The following MTCL3 variants were observed in gnomAD, a reference collection of about 807,000 sequenced individuals.
The protein encoded by MTCL3 is microtubule cross-linking factor 3.
At chr6:127,481,739 G>A in the MTCL3 span, among the ~76,000 whole-genome samples, 1 of 152,134 alleles carries the variant, frequency 6.6e-6, no homozygotes, top group Admixed American at 6.5e-5. Context: ...TAATGTCAGA[G>A]GCGTGTGACC....
At chr6:127,473,730 AC>A in the MTCL3 span, among the ~76,000 whole-genome samples, 1 of 152,180 alleles carries the variant, frequency 6.6e-6, no homozygotes, top group Non-Finnish European at 1.5e-5. Context: ...TTAATCTAAA[AC>A]CATGCTTCTG....
At chr6:127,481,596 T>C in the MTCL3 span, 1 of 462,792 alleles carries the variant, frequency 2.2e-6, no homozygotes. Flanking sequence ...TTTGAATATT[T>C]AAAATCACTT....
chr6:127,498,615 GA>G, the MTCL3 span, among the ~76,000 whole-genome samples: 1 of 152,006 alleles, frequency 6.6e-6, no homozygotes, highest in African/African-American at 2.4e-5. Context: ...ATATCCACAC[GA>G]AAATTTGCAT....
the MTCL3 span, among the ~76,000 whole-genome samples, chr6:127,483,262 T>A: frequency 6.6e-6 from 1 of 152,148 alleles, no homozygotes; most frequent in Admixed American, 6.5e-5. Flanking sequence ...ACAGACAAAA[T>A]TGATTGTTGA....
At chr6:127,475,254 C>T in the MTCL3 span, 24 of 1,545,118 alleles carry the variant, frequency 1.6e-5, no homozygotes, top group Non-Finnish European at 1.9e-5. This position sits in a 1 kb window ranked among gnomAD's most constrained non-coding sequence, Gnocchi z 7.3. Context: ...CACGGGCCAG[C>T]CTGGCCACCG....
chr6:127,515,801 C>T, the MTCL3 span: 1 of 1,609,114 alleles, frequency 6.2e-7, no homozygotes, highest in South Asian at 1.1e-5. The surrounding 1 kb of genome is among the most constrained non-coding windows in gnomAD (Gnocchi z 4.3). Flanking sequence ...GCGGCCGCCG[C>T]CGCTGCCGCC....
chr6:127,513,661 T>A, the MTCL3 span, among the ~76,000 whole-genome samples: 2 of 152,176 alleles, frequency 1.3e-5, no homozygotes, highest in South Asian at 2.1e-4. Context: ...ATCCTGGAAA[T>A]TCTAGGGTTT....
the MTCL3 span, among the ~76,000 whole-genome samples, chr6:127,491,236 G>T: frequency 1.3e-5 from 2 of 152,348 alleles, no homozygotes; most frequent in East Asian, 3.9e-4. Context: ...ATTCTACTGT[G>T]GGTAAAATGC....
At chr6:127,509,920 A>G in the MTCL3 span, among the ~76,000 whole-genome samples, 13 of 152,342 alleles carry the variant, frequency 8.5e-5, no homozygotes, top group East Asian at 5.8e-4. Context: ...TTGTTAAACT[A>G]CTTTTTCTAT....
the MTCL3 span, among the ~76,000 whole-genome samples, chr6:127,500,771 AT>A: frequency 6.6e-6 from 1 of 152,226 alleles, no homozygotes; most frequent in African/African-American, 2.4e-5. Flanking sequence ...CTCACATTAA[AT>A]TAACAAAGAA....
chr6:127,477,802 A>G, the MTCL3 span, among the ~76,000 whole-genome samples: 1 of 152,318 alleles, frequency 6.6e-6, no homozygotes, highest in South Asian at 2.1e-4. Flanking sequence ...CAGTCCTTCA[A>G]GATAGGTGAT....
chr6:127,499,793 C>A, the MTCL3 span, among the ~76,000 whole-genome samples: 3 of 152,166 alleles, frequency 2.0e-5, no homozygotes, highest in South Asian at 4.1e-4. Context: ...TTGGGTTTGG[C>A]CAATAGAAGG....
At chr6:127,517,629 CT>C in the MTCL3 span, 2 of 152,154 alleles carry the variant, frequency 1.3e-5, no homozygotes, top group East Asian at 3.8e-4. Context: ...AAAAGTTGTA[CT>C]TTTTAAAGTG....
At chr6:127,496,437 T>C in the MTCL3 span, among the ~76,000 whole-genome samples, 5 of 152,268 alleles carry the variant, frequency 3.3e-5, no homozygotes, top group Admixed American at 3.3e-4. Context: ...ACAAGAAATA[T>C]AAGCTATCGA....
the MTCL3 span, among the ~76,000 whole-genome samples, chr6:127,494,267 A>C: frequency 6.6e-6 from 1 of 152,244 alleles, no homozygotes; most frequent in Admixed American, 6.5e-5. Context: ...GCACCAATTT[A>C]AGTGTACAGT....
chr6:127,514,985 A>G, the MTCL3 span: 26 of 1,614,106 alleles, frequency 1.6e-5, no homozygotes, highest in Non-Finnish European at 1.7e-5. Flanking sequence ...GTTGACAGGC[A>G]TCCTCCTCGA....
the MTCL3 span, among the ~76,000 whole-genome samples, chr6:127,481,910 A>G: frequency 6.6e-6 from 1 of 152,206 alleles, no homozygotes; most frequent in African/African-American, 2.4e-5. Context: ...TTCCAGTAAA[A>G]AAGCCAGCTA....
chr6:127,504,877 C>A, the MTCL3 span, among the ~76,000 whole-genome samples: 1 of 152,140 alleles, frequency 6.6e-6, no homozygotes, highest in African/African-American at 2.4e-5. Flanking sequence ...TGGTTAATGG[C>A]CACATTCTGC....
At chr6:127,511,463 A>T in the MTCL3 span, among the ~76,000 whole-genome samples, 2 of 152,196 alleles carry the variant, frequency 1.3e-5, no homozygotes, top group Non-Finnish European at 2.9e-5. Context: ...AATCTTTGCC[A>T]TTCCTTAAAT....
Sources: gnomAD v4.1 joint callset for allele counts (sites outside exome capture counted in the v4.1 genomes callset) on GRCh38, gnomAD v4.1.1 for gene constraint, Gnocchi (gnomAD v3.1) non-coding constraint, MANE v1.5 for transcripts, NCBI Gene and HGNC (gene_info 2026-07-23, HGNC 2026-07-21) for gene names.